Variants in SPIDR observed in about 807,000 individuals in gnomAD.
The protein encoded by SPIDR is scaffold protein involved in DNA repair.
A neutral mutation model predicts 104.6 loss-of-function variants in SPIDR; 93 were observed. The observed-to-expected ratio is 0.89, with a 90% CI of 0.75 to 1.06. The LOEUF (loss-of-function observed/expected upper bound fraction) is 1.06, where lower values mean the gene tolerates loss of function less well. Ranked by LOEUF, SPIDR falls within the 50% of genes least tolerant of loss-of-function variation. The pLI is 0.00. For synonymous variants in SPIDR, 431 were observed against 416.9 expected (o/e 1.03, Z -0.41); for missense variants, 1,154 against 1,111.2 (o/e 1.04, Z -0.55).
chr8:47,382,156 G>A (rs1384313837), intron 5 of SPIDR, among the ~76,000 whole-genome samples: 1 of 152,114 alleles, frequency 6.6e-6, no homozygotes, highest in Non-Finnish European at 1.5e-5. Context: ...TTCCTGACTT[G>A]ATAGCAGACA....
chr8:47,434,848 G>A (rs2067996577), intron 7 of SPIDR, among the ~76,000 whole-genome samples: 2 of 152,196 alleles, frequency 1.3e-5, no homozygotes, highest in Admixed American at 6.5e-5. Context: ...GTTGACGTGA[G>A]TATAATTGGA....
At chr8:47,677,756 C>A (rs2076621004) in intron 11 of SPIDR, among the ~76,000 whole-genome samples, 1 of 152,160 alleles carries the variant, frequency 6.6e-6, no homozygotes, top group African/African-American at 2.4e-5. Flanking sequence ...GCTGACTGAT[C>A]TCAGAAGGTT....
chr8:47,294,077 C>T, intron 5 of SPIDR, 47 bp downstream of exon 5: 2 of 1,555,234 alleles, frequency 1.3e-6, no homozygotes, highest in Admixed American at 2.1e-5. Context: ...ATAACATTTG[C>T]TAATCATAGT....
chr8:47,721,545 C>T (rs2083393414), intron 16 of SPIDR, among the ~76,000 whole-genome samples: 1 of 151,842 alleles, frequency 6.6e-6, no homozygotes, highest in African/African-American at 2.4e-5. Context: ...GATCTTGGCT[C>T]ACTGCAAGCT....
chr8:47,313,426 T>C (rs1159185215), intron 5 of SPIDR, among the ~76,000 whole-genome samples: 2 of 152,180 alleles, frequency 1.3e-5, no homozygotes, highest in Non-Finnish European at 2.9e-5. Flanking sequence ...TACAAACAAA[T>C]GGAAGAACAT....
chr8:47,286,050 C>G (rs1251144023), intron 3 of SPIDR, among the ~76,000 whole-genome samples: 2 of 152,180 alleles, frequency 1.3e-5, no homozygotes, highest in African/African-American at 4.8e-5. Context: ...GCCTATAATT[C>G]ATGGGTTTAT....
chr8:47,677,967 G>T (rs2076644214), intron 11 of SPIDR, among the ~76,000 whole-genome samples: 2 of 151,662 alleles, frequency 1.3e-5, no homozygotes, highest in Admixed American at 6.6e-5. Flanking sequence ...ACTTTGGGAT[G>T]CCAAGACGGG....
At chr8:47,662,626 A>G (rs2154464116) in intron 10 of SPIDR, among the ~76,000 whole-genome samples, 2 of 152,258 alleles carry the variant, frequency 1.3e-5, no homozygotes, top group Admixed American at 1.3e-4. Context: ...AGAGAAAATA[A>G]TTTTTATCAA....
chr8:47,677,231 A>C (rs1439349034), intron 11 of SPIDR, among the ~76,000 whole-genome samples: 1 of 152,212 alleles, frequency 6.6e-6, no homozygotes, highest in African/African-American at 2.4e-5. Flanking sequence ...AGGCCAAACA[A>C]GCTGAGAAGT....
At chr8:47,413,827 A>T (rs1306519336) in intron 7 of SPIDR, among the ~76,000 whole-genome samples, 1 of 152,152 alleles carries the variant, frequency 6.6e-6, no homozygotes, top group East Asian at 1.9e-4. Flanking sequence ...TTCCAGATAA[A>T]AAAAACTGTA....
intron 5 of SPIDR, among the ~76,000 whole-genome samples, chr8:47,324,282 C>T (rs1257784564): frequency 1.3e-5 from 2 of 152,128 alleles, no homozygotes; most frequent in African/African-American, 4.8e-5. Flanking sequence ...ACCTTGTTTT[C>T]TTAGCCATTT....
intron 8 of SPIDR, among the ~76,000 whole-genome samples, chr8:47,560,617 T>C (rs541789391): frequency 1.3e-4 from 20 of 152,354 alleles, no homozygotes; most frequent in Admixed American, 1.2e-3. Flanking sequence ...TACATGTTCA[T>C]TGTGCCTGTC....
chr8:47,312,896 G>A (rs1169636994), intron 5 of SPIDR, among the ~76,000 whole-genome samples: 18 of 152,238 alleles, frequency 1.2e-4, no homozygotes, highest in African/African-American at 4.3e-4. Context: ...ATTAATTTGT[G>A]TATAAGGTGT....
At chr8:47,539,238 G>A (rs771766938) in intron 8 of SPIDR, among the ~76,000 whole-genome samples, 7 of 152,040 alleles carry the variant, frequency 4.6e-5, no homozygotes, top group South Asian at 4.1e-4. Flanking sequence ...CTGCACTAGC[G>A]GAGATTAACC....
intron 8 of SPIDR, among the ~76,000 whole-genome samples, chr8:47,486,209 C>T (rs782740638): frequency 1.3e-5 from 2 of 152,172 alleles, no homozygotes; most frequent in Non-Finnish European, 2.9e-5. Flanking sequence ...GACAAATGCA[C>T]AAGCTTCAGA....
intron 8 of SPIDR, among the ~76,000 whole-genome samples, chr8:47,501,382 G>A (rs2080407852): frequency 6.6e-6 from 1 of 152,006 alleles, no homozygotes; most frequent in Non-Finnish European, 1.5e-5. Context: ...TGGATTCCTA[G>A]GTATTTTATT....
intron 5 of SPIDR, among the ~76,000 whole-genome samples, chr8:47,361,769 A>G (rs1267422361): frequency 6.6e-6 from 1 of 152,138 alleles, no homozygotes; most frequent in African/African-American, 2.4e-5. Context: ...GGAGATGAGG[A>G]ATGTAAGACA....
chr8:47,303,843 A>G (rs951034660), intron 5 of SPIDR, among the ~76,000 whole-genome samples: 4 of 151,908 alleles, frequency 2.6e-5, no homozygotes, highest in Non-Finnish European at 5.9e-5. Flanking sequence ...TGCCCAACTA[A>G]TTTTTGTATT....
intron 2 of SPIDR, among the ~76,000 whole-genome samples, chr8:47,282,680 TCTTA>T (rs1378866300): frequency 6.6e-6 from 1 of 152,174 alleles, no homozygotes; most frequent in Admixed American, 6.5e-5. Context: ...AATAATGCTG[TCTTA>T]CTTTCTTATC....
Sources: allele counts gnomAD v4.1 joint callset (sites outside exome capture counted in the v4.1 genomes callset), GRCh38; gene constraint gnomAD v4.1.1; transcripts MANE v1.5; gene names NCBI Gene and HGNC (gene_info 2026-07-23, HGNC 2026-07-21).